PPP3CC: variants seen among roughly 807,000 people sequenced by gnomAD.
PPP3CC encodes protein phosphatase 3 catalytic subunit gamma, also known as serine/threonine-protein phosphatase 2B catalytic subunit gamma isoform.
In PPP3CC, 35 loss-of-function variants were observed where a neutral mutation model predicts 60.3. The observed-to-expected ratio is 0.58, with a 90% confidence interval of 0.44 to 0.77. The LOEUF is 0.77. PPP3CC is among the 30% of genes least tolerant of loss of function. The pLI is 0.00. For synonymous variants in PPP3CC, 206 were observed against 224.3 expected (o/e 0.92, Z 0.73); for missense variants, 570 against 628.9 (o/e 0.91, Z 1.00).
intron 12 of PPP3CC, among the ~76,000 whole-genome samples, chr8:22,535,614 G>A (rs564974986): frequency 6.6e-6 from 1 of 152,256 alleles, no homozygotes; most frequent in South Asian, 2.1e-4. Flanking sequence ...CCCTGCCTCA[G>A]CTACTCGAGT....
At chr8:22,537,313 C>T (rs1315431109) in intron 12 of PPP3CC, among the ~76,000 whole-genome samples, 1 of 152,176 alleles carries the variant, frequency 6.6e-6, no homozygotes, top group African/African-American at 2.4e-5. Context: ...TGATGTTTGA[C>T]ATCATTAGAC....
At chr8:22,478,007 C>T (rs940608506) in intron 3 of PPP3CC, among the ~76,000 whole-genome samples, 4 of 152,158 alleles carry the variant, frequency 2.6e-5, no homozygotes, top group Admixed American at 6.6e-5. Context: ...CCTGCCACCA[C>T]GTCTGGCTAA....
intron 1 of PPP3CC, among the ~76,000 whole-genome samples, chr8:22,466,995 C>T (rs1224393949): frequency 6.6e-6 from 1 of 152,176 alleles, no homozygotes; most frequent in African/African-American, 2.4e-5. Context: ...GTCTCCCCAA[C>T]TTGGATTCCC....
chr8:22,464,913 G>A (rs1355967225), intron 1 of PPP3CC, among the ~76,000 whole-genome samples: 1 of 151,550 alleles, frequency 6.6e-6, no homozygotes, highest in African/African-American at 2.4e-5. Flanking sequence ...CTGCTGCAAT[G>A]TATTTGTTAA....
rs372948151 is a variant in PPP3CC at position 22,475,169 on chromosome 8, A to T, written c.247+18A>T. The T allele has an allele frequency of 6.3e-7, 1 of 1,592,502 alleles. No homozygotes were observed. The highest frequency in any genetic ancestry group is 1.7e-5 in the Admixed American group (1 of 59,380). On this transcript the variant is annotated intron_variant, in intron 2 of 13. Transcript: ENST00000240139. ...AATCACAGGTATAAAAAGTCTTTGCATGATACTTTTTTACAGTATAGATTT... is the reference window on the plus strand; with the variant it reads ...AATCACAGGTATAAAAAGTCTTTGCTTGATACTTTTTTACAGTATAGATTT...
At chr8:22,453,283 A>G (rs1172515771) in intron 1 of PPP3CC, among the ~76,000 whole-genome samples, 1 of 152,200 alleles carries the variant, frequency 6.6e-6, no homozygotes, top group Non-Finnish European at 1.5e-5. Context: ...CAGTAGATCT[A>G]TTTTACTTTA....
intron 3 of PPP3CC, among the ~76,000 whole-genome samples, chr8:22,487,073 G>A (rs536594628): frequency 6.6e-6 from 1 of 152,106 alleles, no homozygotes; most frequent in Non-Finnish European, 1.5e-5. Flanking sequence ...TTACACAACA[G>A]CAAATTGGAT....
intron 3 of PPP3CC, among the ~76,000 whole-genome samples, chr8:22,483,556 G>A (rs1376867402): frequency 4.6e-5 from 7 of 152,282 alleles, no homozygotes; most frequent in African/African-American, 1.7e-4. Context: ...AAAGTGCTGG[G>A]ATTATAGGTG....
chr8:22,498,847 G>A (rs1297555448), intron 4 of PPP3CC, among the ~76,000 whole-genome samples: 4 of 152,280 alleles, frequency 2.6e-5, no homozygotes, highest in East Asian at 1.9e-4. Context: ...ATTATTGGCC[G>A]GGTGCGGTGG....
chr8:22,518,526 C>T (rs148238259), intron 6 of PPP3CC, among the ~76,000 whole-genome samples: 469 of 152,190 alleles, frequency 3.1e-3, no homozygotes, highest in African/African-American at 0.011. Context: ...ATTCTGTGTA[C>T]ACTTGGGAAG....
intron 3 of PPP3CC, among the ~76,000 whole-genome samples, chr8:22,487,610 G>A (rs1838263490): frequency 6.6e-6 from 1 of 151,866 alleles, no homozygotes; most frequent in African/African-American, 2.4e-5. Flanking sequence ...AGGTGACTGA[G>A]TGAGACTCTG....
At chr8:22,490,928 C>T (rs890137473) in intron 3 of PPP3CC, among the ~76,000 whole-genome samples, 2 of 152,100 alleles carry the variant, frequency 1.3e-5, no homozygotes, top group African/African-American at 4.8e-5. Flanking sequence ...GTGCATGTGT[C>T]TTTATAGCAG....
chr8:22,503,443 C>T (rs970826690), intron 4 of PPP3CC, among the ~76,000 whole-genome samples: 8 of 152,102 alleles, frequency 5.3e-5, no homozygotes, highest in African/African-American at 1.9e-4. Flanking sequence ...AGAAAGCTGC[C>T]TATGGCTGCC....
At chr8:22,533,717 C>T (rs1839777211) in intron 12 of PPP3CC, among the ~76,000 whole-genome samples, 1 of 152,066 alleles carries the variant, frequency 6.6e-6, no homozygotes, top group Non-Finnish European at 1.5e-5. Context: ...CCCAGCTACT[C>T]GGTTGCCTGA....
chr8:22,528,499 T>C lies in PPP3CC; in HGVS notation c.1070-7T>C, dbSNP rs764326486. 2.0e-6 allele frequency: 3 copies of C among 1,524,138 alleles called. No homozygotes were observed. Among genetic ancestry groups the C allele is most frequent in the Non-Finnish European group, 2.7e-6 (3 of 1,128,340 alleles). 94.4% of individuals were successfully genotyped at this position (1,524,138 alleles called of 1,614,324 possible). A position where few individuals can be genotyped will look rare whatever the true frequency, so the allele number is the denominator to read the frequency against. ...GCGTAAATTTTGGATTATTTTGTCTTACTTAGTCACAGAGATGCTGGTAAA... is the reference window on the plus strand; with the variant it reads ...GCGTAAATTTTGGATTATTTTGTCTCACTTAGTCACAGAGATGCTGGTAAA... On this transcript the variant is annotated splice_polypyrimidine_tract_variant and splice_region_variant and intron_variant, in intron 9 of 13. Transcript: ENST00000240139.
intron 1 of PPP3CC, among the ~76,000 whole-genome samples, chr8:22,449,219 C>T (rs759564015): frequency 5.3e-5 from 8 of 152,026 alleles, no homozygotes; most frequent in Non-Finnish European, 1.2e-4. Context: ...GAGGCCAAGG[C>T]GGCTGGATCA....
At chr8:22,462,848 C>G (rs1837402686) in intron 1 of PPP3CC, among the ~76,000 whole-genome samples, 1 of 152,158 alleles carries the variant, frequency 6.6e-6, no homozygotes, top group African/African-American at 2.4e-5. Context: ...AGTGGCTGCA[C>G]AGCAGCATTT....
intron 1 of PPP3CC, among the ~76,000 whole-genome samples, chr8:22,450,711 G>T (rs928658749): frequency 8.5e-5 from 13 of 152,070 alleles, no homozygotes; most frequent in Admixed American, 5.9e-4. Flanking sequence ...CTTTGTTGAT[G>T]GGCAGTACCC....
intron 1 of PPP3CC, among the ~76,000 whole-genome samples, chr8:22,443,302 C>G (rs1404210404): frequency 6.6e-6 from 1 of 152,072 alleles, no homozygotes; most frequent in East Asian, 1.9e-4. Context: ...ATAGGCAGAT[C>G]ACTGAGGTCA....
Sources: allele counts gnomAD v4.1 joint callset (sites outside exome capture counted in the v4.1 genomes callset), GRCh38; gene constraint gnomAD v4.1.1; transcripts MANE v1.5; gene names NCBI Gene and HGNC (gene_info 2026-07-23, HGNC 2026-07-21).